Variants in ZNF804B observed in about 807,000 individuals in gnomAD.
ZNF804B encodes the protein zinc finger 804B.
ZNF804B carries 80 observed loss-of-function variants against 101.4 expected under a neutral mutation model. That is an observed-to-expected ratio of 0.79 (90% CI 0.66 to 0.95). The LOEUF (loss-of-function observed/expected upper bound fraction) is 0.95. ZNF804B is among the 40% of genes least tolerant of loss of function. ZNF804B has a pLI of 0.00. For synonymous variants in ZNF804B, 622 were observed against 558.8 expected (o/e 1.11, Z -1.59); for missense variants, 1,673 against 1,561.9 (o/e 1.07, Z -1.20).
chr7:89,100,860 G>A (rs1412226958), intron 1 of ZNF804B, among the ~76,000 whole-genome samples: 1 of 151,714 alleles, frequency 6.6e-6, no homozygotes, highest in African/African-American at 2.4e-5. Context: ...TACCCACTAT[G>A]TACTCAAAAA....
intron 1 of ZNF804B, among the ~76,000 whole-genome samples, chr7:88,783,740 A>G (rs1029914213): frequency 3.3e-5 from 5 of 152,138 alleles, no homozygotes; most frequent in African/African-American, 4.8e-5. Context: ...AAAAAACATG[A>G]TACGTTAGTT....
At chr7:88,837,541 G>A (rs1196679975) in intron 1 of ZNF804B, among the ~76,000 whole-genome samples, 3 of 151,926 alleles carry the variant, frequency 2.0e-5, no homozygotes, top group Admixed American at 6.6e-5. Flanking sequence ...ACCATTTAAA[G>A]AGTGGAATAT....
intron 1 of ZNF804B, among the ~76,000 whole-genome samples, chr7:88,880,974 A>G (rs1025790329): frequency 6.6e-6 from 1 of 152,112 alleles, no homozygotes; most frequent in Non-Finnish European, 1.5e-5. Context: ...TAAGATTTAT[A>G]TTATTATCTA....
intron 1 of ZNF804B, among the ~76,000 whole-genome samples, chr7:88,826,711 C>T (rs1345402823): frequency 5.9e-5 from 9 of 151,970 alleles, no homozygotes. Flanking sequence ...TGTAGAAAGA[C>T]TTTGGCAATG....
intron 1 of ZNF804B, among the ~76,000 whole-genome samples, chr7:89,049,321 A>T (rs1286412851): frequency 6.6e-6 from 1 of 152,180 alleles, no homozygotes; most frequent in Non-Finnish European, 1.5e-5. Flanking sequence ...TATTAGCACG[A>T]TTCACAACTG....
intron 1 of ZNF804B, among the ~76,000 whole-genome samples, chr7:89,077,716 T>C (rs1490660050): frequency 6.6e-6 from 1 of 152,174 alleles, no homozygotes; most frequent in African/African-American, 2.4e-5. Flanking sequence ...CTGTATATTT[T>C]TGAATAAAAG....
At chr7:88,884,682 A>G (rs1792097633) in intron 1 of ZNF804B, among the ~76,000 whole-genome samples, 1 of 151,920 alleles carries the variant, frequency 6.6e-6, no homozygotes, top group African/African-American at 2.4e-5. Context: ...TTGATATGTA[A>G]TAACTTACTT....
chr7:88,984,046 A>G (rs1187799745), intron 1 of ZNF804B, among the ~76,000 whole-genome samples: 1 of 152,122 alleles, frequency 6.6e-6, no homozygotes, highest in Non-Finnish European at 1.5e-5. Context: ...TGAGAAACCT[A>G]AATGAAAATA....
intron 2 of ZNF804B, among the ~76,000 whole-genome samples, chr7:89,319,473 A>G (rs1790785552): frequency 6.6e-6 from 1 of 152,200 alleles, no homozygotes. Flanking sequence ...ATGGAACTGC[A>G]CAGAGTACCA....
Position 89,210,144 on chromosome 7 carries a change from T to C in ZNF804B, c.109-8011T>C, listed in dbSNP as rs1397940664. 3.4e-5 allele frequency among the ~76,000 whole-genome samples: 4 copies of C among 117,158 alleles called. No homozygotes were observed. The East Asian group carries it at 6.5e-4, about 19-fold the overall frequency. The allele number at this position is 117,158 out of a possible 152,430, so 76.9% of individuals were successfully genotyped here. ...GCCTGGGTGAGAGTGAGACTTCATATCAAAAAAAAAAAAAGAAAGAAATCA... is the reference window on the plus strand; with the variant it reads ...GCCTGGGTGAGAGTGAGACTTCATACCAAAAAAAAAAAAAGAAAGAAATCA... On this transcript the variant is annotated intron_variant, in intron 1 of 3. Coordinates refer to ENST00000333190, the MANE Select transcript of ZNF804B (RefSeq NM_181646.5).
chr7:89,298,249 T>TATATATAC (rs1296532224), intron 2 of ZNF804B, among the ~76,000 whole-genome samples: 4 of 122,082 alleles, frequency 3.3e-5, no homozygotes, highest in Non-Finnish European at 6.7e-5. Context: ...TATATATATA[T>TATATATAC]ATATATATAC....
intron 1 of ZNF804B, among the ~76,000 whole-genome samples, chr7:89,192,312 C>T (rs970290341): frequency 6.6e-6 from 1 of 152,000 alleles, no homozygotes; most frequent in East Asian, 1.9e-4. Context: ...TTCCCTTCCA[C>T]CCCTCCCTGA....
At chr7:88,845,383 G>A (rs1791359091) in intron 1 of ZNF804B, among the ~76,000 whole-genome samples, 2 of 151,966 alleles carry the variant, frequency 1.3e-5, no homozygotes, top group African/African-American at 4.8e-5. Flanking sequence ...AGTACATGGT[G>A]TAGGAGCCTG....
At chr7:89,249,139 A>T (rs963102877) in intron 2 of ZNF804B, among the ~76,000 whole-genome samples, 3 of 152,134 alleles carry the variant, frequency 2.0e-5, no homozygotes, top group African/African-American at 7.2e-5. Flanking sequence ...GAACACCCAG[A>T]TTCATAAAAC....
rs576630291 is a variant in ZNF804B at position 89,249,649 on chromosome 7, A to G, written c.249+31354A>G. On this transcript the variant is annotated intron_variant, in intron 2 of 3. Transcript: ENST00000333190. Reference sequence around the variant, plus strand: ...TGCAGCAAAAGCAGTATTAAGAGGGAAATTTACAGTGCTAAATGCCTACCA... The same window carrying G: ...TGCAGCAAAAGCAGTATTAAGAGGGGAATTTACAGTGCTAAATGCCTACCA... 3.3e-5 allele frequency among the ~76,000 whole-genome samples: 5 copies of G among 152,306 alleles called. No homozygotes were observed. The South Asian group carries it at 1.0e-3, about 32-fold the overall frequency.
chr7:88,925,424 A>T (rs955110950), intron 1 of ZNF804B, among the ~76,000 whole-genome samples: 11 of 152,156 alleles, frequency 7.2e-5, no homozygotes, highest in African/African-American at 2.7e-4. Context: ...TGAGGCCATT[A>T]GGGTGGGTTC....
At chr7:89,028,907 GTTA>G (rs1788788213) in intron 1 of ZNF804B, among the ~76,000 whole-genome samples, 2 of 152,058 alleles carry the variant, frequency 1.3e-5, no homozygotes, top group African/African-American at 4.8e-5. Context: ...TCAAGCAATT[GTTA>G]TTATTATATT....
intron 2 of ZNF804B, among the ~76,000 whole-genome samples, chr7:89,225,800 T>C (rs1016690817): frequency 2.6e-5 from 4 of 152,110 alleles, no homozygotes; most frequent in African/African-American, 9.7e-5. Flanking sequence ...GACTTGACTT[T>C]GTGGAAAATT....
chr7:88,798,935 C>A (rs1485300777), intron 1 of ZNF804B, among the ~76,000 whole-genome samples: 3 of 152,020 alleles, frequency 2.0e-5, no homozygotes, highest in Non-Finnish European at 2.9e-5. Flanking sequence ...TTATTCTACC[C>A]AGAGTGATCT....
Sources: allele counts gnomAD v4.1 joint callset (sites outside exome capture counted in the v4.1 genomes callset), GRCh38; gene constraint gnomAD v4.1.1; transcripts MANE v1.5; gene names NCBI Gene and HGNC (gene_info 2026-07-23, HGNC 2026-07-21).